The following HTT-AS variants were observed in gnomAD, a reference collection of about 807,000 sequenced individuals.
HTT-AS encodes HTT antisense RNA.
At chr4:3,066,311 A>C (rs1005903248) in intron 1 of HTT-AS, among the ~76,000 whole-genome samples, 28 of 151,936 alleles carry the variant, frequency 1.8e-4, no homozygotes, top group Admixed American at 1.8e-3. Flanking sequence ...CTGGGATTAC[A>C]GGCTCCCGCC....
exon 2 of HTT-AS, among the ~76,000 whole-genome samples, chr4:3,063,098 C>T (rs974523785): frequency 2.0e-5 from 3 of 152,240 alleles, no homozygotes; most frequent in Admixed American, 6.5e-5. Context: ...TCTAGTTACA[C>T]GATCCCTGTA....
intron 2 of HTT-AS, among the ~76,000 whole-genome samples, chr4:3,056,094 CAA>C (rs1711799670): frequency 6.6e-6 from 1 of 152,204 alleles, no homozygotes; most frequent in African/African-American, 2.4e-5. Context: ...TCAATGGACA[CAA>C]GTGTGTCCAG....
intron 1 of HTT-AS, among the ~76,000 whole-genome samples, chr4:3,072,647 T>C (rs1054487957): frequency 8.5e-5 from 13 of 152,320 alleles, no homozygotes; most frequent in Admixed American, 7.8e-4. Flanking sequence ...TATTTATTTT[T>C]GAGACAGAGT....
chr4:3,046,987 G>A (rs1163781067), downstream of HTT-AS, among the ~76,000 whole-genome samples: 1 of 152,130 alleles, frequency 6.6e-6, no homozygotes, highest in East Asian at 1.9e-4. Context: ...AGCTGTTCCA[G>A]TATAATAAAA....
At chr4:3,074,301 T>G (rs149624523) in intron 1 of HTT-AS, 782 of 45,468 alleles carry the variant, frequency 0.017, 8 homozygotes, top group Non-Finnish European at 0.029. Context: ...GCCACGCCCC[T>G]ACCTCACCAC....
chr4:3,067,030 C>G (rs1293851129), intron 1 of HTT-AS, among the ~76,000 whole-genome samples: 2 of 152,192 alleles, frequency 1.3e-5, no homozygotes, highest in African/African-American at 4.8e-5. Flanking sequence ...AAATCAGAAA[C>G]TATAAAATGT....
At chr4:3,057,044 T>C (rs1437330926) in intron 2 of HTT-AS, among the ~76,000 whole-genome samples, 1 of 151,854 alleles carries the variant, frequency 6.6e-6, no homozygotes. Flanking sequence ...TCTTTTTCTT[T>C]TTTTTTTGAG....
exon 3 of HTT-AS, among the ~76,000 whole-genome samples, chr4:3,049,568 C>T (rs1560528041): frequency 6.6e-6 from 1 of 152,058 alleles, no homozygotes; most frequent in Non-Finnish European, 1.5e-5. Flanking sequence ...TGTACAGTTC[C>T]AGGAGTGTGG....
intron 2 of HTT-AS, among the ~76,000 whole-genome samples, chr4:3,058,818 C>G (rs761945227): frequency 1.3e-4 from 19 of 151,874 alleles, no homozygotes; most frequent in Non-Finnish European, 2.6e-4. Flanking sequence ...CTCCGAGGTT[C>G]CAGCGATTCT....
At chr4:3,063,946 C>A (rs2110123479) in intron 1 of HTT-AS, among the ~76,000 whole-genome samples, 1 of 152,088 alleles carries the variant, frequency 6.6e-6, no homozygotes, top group South Asian at 2.1e-4. Flanking sequence ...CTCCTAAAAT[C>A]CTGAGAACTT....
chr4:3,053,613 T>G (rs1310533384), intron 2 of HTT-AS, among the ~76,000 whole-genome samples: 2 of 152,134 alleles, frequency 1.3e-5, no homozygotes, highest in African/African-American at 2.4e-5. Flanking sequence ...AATCAAATAT[T>G]TTGAAAGAAA....
intron 1 of HTT-AS, among the ~76,000 whole-genome samples, chr4:3,073,629 A>G (rs1712258374): frequency 6.6e-6 from 1 of 151,692 alleles, no homozygotes; most frequent in African/African-American, 2.4e-5. Flanking sequence ...CCTGCCCCAG[A>G]CCCTCTCCTC....
At chr4:3,065,467 C>T (rs963219694) in intron 1 of HTT-AS, among the ~76,000 whole-genome samples, 2 of 152,144 alleles carry the variant, frequency 1.3e-5, no homozygotes, top group Admixed American at 1.3e-4. Context: ...TGGTCTTGAA[C>T]TCCCAACCTC....
chr4:3,052,393 G>A (rs1161197993), intron 2 of HTT-AS, among the ~76,000 whole-genome samples: 1 of 152,116 alleles, frequency 6.6e-6, no homozygotes, highest in Non-Finnish European at 1.5e-5. Context: ...AGATATTCTG[G>A]CTCTAACAGC....
intron 1 of HTT-AS, among the ~76,000 whole-genome samples, chr4:3,068,694 G>A (rs1198970845): frequency 1.4e-5 from 2 of 140,568 alleles, no homozygotes; most frequent in African/African-American, 2.7e-5. Flanking sequence ...TCACTCTGTC[G>A]CCCAGGCTAC....
chr4:3,064,221 G>C (rs1027694273), intron 1 of HTT-AS, among the ~76,000 whole-genome samples: 1 of 150,174 alleles, frequency 6.7e-6, no homozygotes, highest in Non-Finnish European at 1.5e-5. Context: ...TCAGCCTCCT[G>C]AGCAGTTGGG....
chr4:3,072,695 A>T (rs1712202671), intron 1 of HTT-AS, among the ~76,000 whole-genome samples: 1 of 152,158 alleles, frequency 6.6e-6, no homozygotes, highest in Admixed American at 6.5e-5. Context: ...CAATGGCATG[A>T]TCTTGGCTCA....
intron 1 of HTT-AS, among the ~76,000 whole-genome samples, chr4:3,067,620 A>T (rs1463065256): frequency 6.6e-6 from 1 of 152,186 alleles, no homozygotes; most frequent in Non-Finnish European, 1.5e-5. Context: ...TTGTAGGGAA[A>T]TTGGAAGGGA....
chr4:3,066,040 TAACA>T (rs1204160071), intron 1 of HTT-AS, among the ~76,000 whole-genome samples: 1 of 152,210 alleles, frequency 6.6e-6, no homozygotes, highest in Non-Finnish European at 1.5e-5. Context: ...ACATAAACAT[TAACA>T]GAGTAAGCAG....
Sources: allele counts gnomAD v4.1 joint callset (sites outside exome capture counted in the v4.1 genomes callset), GRCh38; gene constraint gnomAD v4.1.1; transcripts MANE v1.5; gene names NCBI Gene and HGNC (gene_info 2026-07-23, HGNC 2026-07-21).